Variants in CDH8 observed in about 807,000 individuals in gnomAD.
CDH8 encodes the protein cadherin-8.
A neutral mutation model predicts 68.1 loss-of-function variants in CDH8; 17 were observed. The observed-to-expected ratio is 0.25, with a 90% CI of 0.17 to 0.37. The LOEUF (loss-of-function observed/expected upper bound fraction) is 0.37. Ranked by LOEUF, CDH8 falls within the 10% of genes least tolerant of loss-of-function variation. The pLI, the probability that CDH8 is intolerant of heterozygous loss-of-function variation, is 1.00. For missense variants in CDH8, 763 were observed against 999.3 expected (o/e 0.76, Z 3.19); for synonymous variants, 372 against 365.1 (o/e 1.02, Z -0.21).
intron 6 of CDH8, among the ~76,000 whole-genome samples, chr16:61,818,722 G>A (rs41405144): frequency 0.02 from 3,084 of 152,184 alleles, 106 homozygotes; most frequent in African/African-American, 0.07. Context: ...CAAGTCTGTC[G>A]AGGTTCAAAG....
chr16:62,018,164 A>G (rs1013831958), intron 2 of CDH8, among the ~76,000 whole-genome samples: 3 of 152,204 alleles, frequency 2.0e-5, no homozygotes, highest in East Asian at 1.9e-4. Context: ...GGCCAAGCTC[A>G]TATTCAGACC....
At chr16:61,719,818 T>C (rs1160743474) in intron 9 of CDH8, among the ~76,000 whole-genome samples, 1 of 151,000 alleles carries the variant, frequency 6.6e-6, no homozygotes, top group East Asian at 1.9e-4. Flanking sequence ...TAATTTTCTC[T>C]GAAGGAAATT....
chr16:61,793,767 C>T (rs896938997), intron 7 of CDH8, among the ~76,000 whole-genome samples: 1 of 151,934 alleles, frequency 6.6e-6, no homozygotes, highest in African/African-American at 2.4e-5. Context: ...GGGTATATGC[C>T]CAGTAATGGA....
chr16:61,743,993 T>C (rs140682691), intron 8 of CDH8, among the ~76,000 whole-genome samples: 92 of 152,300 alleles, frequency 6.0e-4, no homozygotes, highest in African/African-American at 2.2e-3. Flanking sequence ...TACTCATTTT[T>C]ATAACTTAAT....
At chr16:62,007,474 A>G (rs1965996084) in intron 2 of CDH8, among the ~76,000 whole-genome samples, 1 of 152,212 alleles carries the variant, frequency 6.6e-6, no homozygotes, top group Non-Finnish European at 1.5e-5. Context: ...ATTCAAGAAC[A>G]AAAAAAGATC....
chr16:61,666,221 T>C (rs1963676478), intron 10 of CDH8, among the ~76,000 whole-genome samples: 2 of 151,452 alleles, frequency 1.3e-5, no homozygotes, highest in South Asian at 2.1e-4. Flanking sequence ...TATATATATA[T>C]GTATATGGTT....
intron 2 of CDH8, among the ~76,000 whole-genome samples, chr16:61,998,826 A>G (rs953252996): frequency 6.6e-6 from 1 of 152,178 alleles, no homozygotes; most frequent in Non-Finnish European, 1.5e-5. Flanking sequence ...TCCAAAGATC[A>G]TTTTCTCTGT....
Position 61,990,305 on chromosome 16 carries a change from CTTTTTTTTT to C in CDH8, c.252+30838_252+30846del, listed in dbSNP as rs71134381. On this transcript the variant is annotated intron_variant, in intron 2 of 11. Transcript: ENST00000577390. ...TAGTAATAAGATTCTTGAAGAAGTC[CTTTTTTTTT>C]TTTTTTTTTTTTTTTTTTGAGACTA... 4.7e-4 allele frequency among the ~76,000 whole-genome samples: 39 copies of C among 83,016 alleles called. No individual in the cohort carries two copies. In the East Asian group the frequency reaches 0.016, roughly 34 times the overall value. 54.5% of individuals were successfully genotyped at this position (83,016 alleles called of 152,430 possible).
intron 7 of CDH8, among the ~76,000 whole-genome samples, chr16:61,793,713 T>C (rs1217260962): frequency 6.6e-6 from 1 of 152,088 alleles, no homozygotes; most frequent in African/African-American, 2.4e-5. Context: ...GCAATTAACC[T>C]ATGCATGCCT....
chr16:61,795,966 A>T (rs1393188644), intron 7 of CDH8, among the ~76,000 whole-genome samples: 1 of 152,010 alleles, frequency 6.6e-6, no homozygotes, highest in Non-Finnish European at 1.5e-5. Context: ...CTGTATAAAC[A>T]TTTGCCTGAC....
intron 8 of CDH8, among the ~76,000 whole-genome samples, chr16:61,782,985 G>GA (rs1488277946): frequency 1.2e-4 from 18 of 151,074 alleles, no homozygotes; most frequent in African/African-American, 4.1e-4. Context: ...CAAAGATGGG[G>GA]AAAAAACAGA....
At chr16:61,658,235 C>A (rs1963489157) in intron 10 of CDH8, among the ~76,000 whole-genome samples, 3 of 152,062 alleles carry the variant, frequency 2.0e-5, no homozygotes, top group East Asian at 3.9e-4. Context: ...AATTACTGTT[C>A]TTGGAATAAT....
intron 7 of CDH8, among the ~76,000 whole-genome samples, chr16:61,803,730 C>T (rs1207288022): frequency 6.8e-6 from 1 of 146,916 alleles, no homozygotes; most frequent in Non-Finnish European, 1.5e-5. Context: ...AAGGCCATTA[C>T]ATAATGGTAA....
intron 2 of CDH8, among the ~76,000 whole-genome samples, chr16:61,953,924 T>TATAA (rs1287004108): frequency 7.8e-6 from 1 of 127,530 alleles, no homozygotes; most frequent in South Asian, 2.4e-4. Context: ...TATATATATA[T>TATAA]ATAAAATACC....
chr16:61,895,193 C>T (rs1963849380), intron 3 of CDH8, among the ~76,000 whole-genome samples: 1 of 152,002 alleles, frequency 6.6e-6, no homozygotes, highest in African/African-American at 2.4e-5. Flanking sequence ...AGAGTTCTTC[C>T]ACCTCGGAAA....
intron 2 of CDH8, among the ~76,000 whole-genome samples, chr16:62,020,398 T>C (rs1902042619): frequency 6.6e-6 from 1 of 151,696 alleles, no homozygotes; most frequent in Non-Finnish European, 1.5e-5. Context: ...AGTGTGATTT[T>C]GGAAAGCAGG....
At chr16:61,840,905 A>G (rs1034320873) in intron 4 of CDH8, among the ~76,000 whole-genome samples, 1 of 152,204 alleles carries the variant, frequency 6.6e-6, no homozygotes, top group African/African-American at 2.4e-5. Flanking sequence ...TGTCCTGCAC[A>G]TGTATCCCAG....
chr16:61,952,867 A>G (rs1040121881), intron 2 of CDH8, among the ~76,000 whole-genome samples: 2 of 152,224 alleles, frequency 1.3e-5, no homozygotes, highest in African/African-American at 4.8e-5. Context: ...GCAAATGGAT[A>G]CAAAGAGATG....
chr16:61,709,836 T>C (rs1226230853), intron 10 of CDH8, among the ~76,000 whole-genome samples: 9 of 152,158 alleles, frequency 5.9e-5, no homozygotes, highest in Non-Finnish European at 1.0e-4. Context: ...TCTTCCTCCT[T>C]CTTTTTATTT....
Sources: gnomAD v4.1 joint callset for allele counts (sites outside exome capture counted in the v4.1 genomes callset) on GRCh38, gnomAD v4.1.1 for gene constraint, MANE v1.5 for transcripts, NCBI Gene and HGNC (gene_info 2026-07-23, HGNC 2026-07-21) for gene names.